TANC2: variants seen among roughly 807,000 people sequenced by gnomAD.
TANC2 encodes tetratricopeptide repeat, ankyrin repeat and coiled-coil containing 2.
Under a neutral mutation model 210.5 loss-of-function variants are expected in TANC2, and 26 were observed. The observed-to-expected ratio is 0.12, with a 90% CI of 0.09 to 0.17. TANC2 has a LOEUF of 0.17. TANC2 is among the 10% of genes least tolerant of loss of function. The pLI is 1.00. For synonymous variants in TANC2, 931 were observed against 967.1 expected, an observed-to-expected ratio of 0.96 and a Z score of 0.69; for missense variants, 2,129 against 2,608.9, an observed-to-expected ratio of 0.82 and a Z score of 4.01.
At chr17:62,982,486 T>C (rs1295845541) in intron 1 of TANC2, among the ~76,000 whole-genome samples, 1 of 152,246 alleles carries the variant, frequency 6.6e-6, no homozygotes, top group African/African-American at 2.4e-5. Context: ...TTTCCTTCAA[T>C]GAATTTGTCT....
chr17:63,119,313 A>G (rs888910350), intron 4 of TANC2, among the ~76,000 whole-genome samples: 1 of 152,192 alleles, frequency 6.6e-6, no homozygotes, highest in African/African-American at 2.4e-5. Context: ...TTAGCAAAAG[A>G]AGATTTTTGT....
At chr17:63,230,199 C>T (rs1040004772) in intron 7 of TANC2, among the ~76,000 whole-genome samples, 1 of 151,890 alleles carries the variant, frequency 6.6e-6, no homozygotes, top group Non-Finnish European at 1.5e-5. Flanking sequence ...GTTAGCAGTC[C>T]ATCCATTTTA....
chr17:63,138,162 C>G (rs1052463612), intron 4 of TANC2, among the ~76,000 whole-genome samples: 1 of 152,164 alleles, frequency 6.6e-6, no homozygotes, highest in African/African-American at 2.4e-5. Context: ...CCTCCCACCC[C>G]CTGCGTCTCT....
chr17:63,244,190 C>T (rs1272225119), intron 8 of TANC2, among the ~76,000 whole-genome samples: 1 of 152,122 alleles, frequency 6.6e-6, no homozygotes, highest in Admixed American at 6.5e-5. Context: ...CATTTTTGGT[C>T]CTCCAGAAAG....
chr17:63,199,330 G>A (rs143049039), intron 6 of TANC2, among the ~76,000 whole-genome samples: 82 of 152,130 alleles, frequency 5.4e-4, no homozygotes, highest in African/African-American at 1.7e-3. Flanking sequence ...TTTTAAAAAC[G>A]ATAAAATGTT....
chr17:63,052,659 T>C (rs907640570), intron 2 of TANC2, among the ~76,000 whole-genome samples: 2 of 152,214 alleles, frequency 1.3e-5, no homozygotes, highest in Non-Finnish European at 1.5e-5. Flanking sequence ...CCTCTTGGTT[T>C]ATAAGATAGC....
chr17:63,374,591 G>C (rs11651106), intron 14 of TANC2, among the ~76,000 whole-genome samples: 27 of 152,230 alleles, frequency 1.8e-4, no homozygotes, highest in Non-Finnish European at 2.6e-4. Flanking sequence ...CAGAGGAGAT[G>C]ATGTGAGTTG....
At chr17:63,195,781 T>TTCTACTGTATTCCCA (rs2041325510) in intron 6 of TANC2, among the ~76,000 whole-genome samples, 1 of 152,182 alleles carries the variant, frequency 6.6e-6, no homozygotes, top group Non-Finnish European at 1.5e-5. Context: ...GCTTGTAATC[T>TTCTACTGTATTCCCA]TCTACTGTAT....
At chr17:63,120,099 A>G (rs2038404239) in intron 4 of TANC2, among the ~76,000 whole-genome samples, 1 of 151,918 alleles carries the variant, frequency 6.6e-6, no homozygotes, top group Non-Finnish European at 1.5e-5. Context: ...GTACTTTTTA[A>G]TGAGGTTAGT....
chr17:63,084,647 C>G (rs1160282938), intron 3 of TANC2, among the ~76,000 whole-genome samples: 3 of 152,068 alleles, frequency 2.0e-5, no homozygotes, highest in East Asian at 3.9e-4. Context: ...AAATTTCAGT[C>G]TATCACTGCA....
At chr17:63,015,518 C>T (rs1168091462) in intron 2 of TANC2, among the ~76,000 whole-genome samples, 1 of 151,852 alleles carries the variant, frequency 6.6e-6, no homozygotes, top group Non-Finnish European at 1.5e-5. Context: ...CTTCCTGTGT[C>T]CATGTGTTCT....
At chr17:63,343,856 AC>A (rs1347331891) in intron 12 of TANC2, among the ~76,000 whole-genome samples, 3 of 152,220 alleles carry the variant, frequency 2.0e-5, no homozygotes, top group Non-Finnish European at 4.4e-5. Context: ...AGATCATGCC[AC>A]TGCACTCCAG....
At position 62,966,254 on chromosome 17, in the gene TANC2, C is replaced by A. The variant is rs1427825378; in HGVS notation, c.-519C>A. ...CGCGGCGGCGGCGCTAGCGAGCGGC[C>A]GGCGGGGCGCGGGTTGCTGGGCGCG... On this transcript the variant is annotated 5_prime_UTR_variant, in exon 1 of 28. Transcript: ENST00000689528. This position sits in a 1 kb window ranked among gnomAD's most constrained non-coding sequence, Gnocchi z 5.1. Among the ~76,000 whole-genome samples the A allele has an allele frequency of 1.4e-5, 2 of 145,986 alleles. No homozygotes were observed. The highest frequency in any genetic ancestry group is 3.0e-5 in the Non-Finnish European group (2 of 65,706).
chr17:63,041,685 T>C (rs913759580), intron 2 of TANC2, among the ~76,000 whole-genome samples: 8 of 152,016 alleles, frequency 5.3e-5, no homozygotes, highest in Non-Finnish European at 8.8e-5. Flanking sequence ...ACTAGAAGAG[T>C]CTCTCTAAAA....
At chr17:63,162,668 C>G (rs2040069330) in intron 5 of TANC2, among the ~76,000 whole-genome samples, 1 of 152,046 alleles carries the variant, frequency 6.6e-6, no homozygotes, top group South Asian at 2.1e-4. Flanking sequence ...GGAACAGATG[C>G]AGCAGGTAAG....
At chr17:63,388,488 C>G (rs1038237730) in intron 15 of TANC2, 147 bp from the exon 16 acceptor site, 14 of 734,952 alleles carry the variant, frequency 1.9e-5, no homozygotes, top group Admixed American at 9.7e-5. Context: ...TTTGTCCCCC[C>G]ACCTAGGCTT....
At chr17:63,139,904 A>C (rs2039226015) in intron 4 of TANC2, among the ~76,000 whole-genome samples, 1 of 152,160 alleles carries the variant, frequency 6.6e-6, no homozygotes, top group South Asian at 2.1e-4. Flanking sequence ...ACCCTATCTC[A>C]AGAAAGAAAG....
At position 63,151,306 on chromosome 17, in the gene TANC2, G is replaced by A. The variant is rs942949682; in HGVS notation, c.359G>A (p.Arg120Gln). 23 of 985,462 alleles carry A rather than the reference G, an allele frequency of 2.3e-5. No homozygotes were observed. The East Asian group carries it at 3.4e-4, about 15-fold the overall frequency. The allele number at this position is 985,462 out of a possible 1,614,324, so 61.0% of individuals were successfully genotyped here. A position where few individuals can be genotyped will look rare whatever the true frequency, so the allele number is the denominator to read the frequency against. Residue 120 changes from arginine (R) to glutamine (Q), a missense_variant, in exon 5 of 28, where the codon CGA (arginine) becomes CAA (glutamine). Arg to Gln is a conservative substitution (Grantham distance 43). Coordinates refer to ENST00000689528, the Ensembl canonical transcript of TANC2. ...AAGGCAAAGTTTGTTGAGAGCCCAC[G>A]AATTCCAGAATCCGAGCTTGGCTCA...
chr17:63,111,167 T>A (rs1194398986), intron 4 of TANC2, among the ~76,000 whole-genome samples: 1 of 152,026 alleles, frequency 6.6e-6, no homozygotes, highest in Non-Finnish European at 1.5e-5. Flanking sequence ...CAAAAAAAAT[T>A]AGCTGGGTGT....
Sources: allele counts gnomAD v4.1 joint callset (sites outside exome capture counted in the v4.1 genomes callset), GRCh38; gene constraint gnomAD v4.1.1; non-coding constraint Gnocchi (gnomAD v3.1); transcripts MANE v1.5; gene names NCBI Gene and HGNC (gene_info 2026-07-23, HGNC 2026-07-21).